Variants in KCNT2 observed in about 807,000 individuals in gnomAD.
KCNT2 encodes potassium channel subfamily T member 2.
In KCNT2, 67 loss-of-function variants were observed where a neutral mutation model predicts 153.8. The observed-to-expected ratio is 0.44, with a 90% confidence interval of 0.36 to 0.53. KCNT2 has a LOEUF of 0.53. KCNT2 is among the 20% of genes least tolerant of loss of function. The probability of loss-of-function intolerance (pLI) is 0.00; values close to 1 mark genes in which losing one functional copy is unlikely to be tolerated. For missense variants in KCNT2, 975 were observed against 1,354.8 expected, an observed-to-expected ratio of 0.72 and a Z score of 4.40; for synonymous variants, 500 against 458.8, an observed-to-expected ratio of 1.09 and a Z score of -1.15.
At chr1:196,462,853 T>C (rs1025655690) in intron 8 of KCNT2, among the ~76,000 whole-genome samples, 1 of 151,742 alleles carries the variant, frequency 6.6e-6, no homozygotes, top group South Asian at 2.1e-4. Flanking sequence ...AGTTGTTTTT[T>C]CTTTTTTGTG....
intron 3 of KCNT2, among the ~76,000 whole-genome samples, chr1:196,488,063 C>G (rs918009891): frequency 1.3e-5 from 2 of 152,064 alleles, no homozygotes; most frequent in South Asian, 2.1e-4. Flanking sequence ...CTGTACATCA[C>G]AGTTTACCAT....
rs550753415 is a variant in KCNT2, at chr1:196,352,889, G to A, written c.1404-10661C>T. Among the ~76,000 whole-genome samples, 6 of 152,246 alleles carry A rather than the reference G, an allele frequency of 3.9e-5. No homozygotes were observed. The East Asian group carries it at 9.7e-4, about 25-fold the overall frequency. On this transcript the variant is annotated intron_variant, in intron 14 of 27. Coordinates refer to ENST00000294725, the MANE Select transcript of KCNT2 (RefSeq NM_198503.5). ...CACACTGCTTTGAATGTGTCCCATA[G>A]ATTCTGGTATGTTGTGTCTTCTCAT...
intron 25 of KCNT2, among the ~76,000 whole-genome samples, chr1:196,272,163 T>C (rs1437500177): frequency 6.6e-6 from 1 of 151,912 alleles, no homozygotes; most frequent in African/African-American, 2.4e-5. Flanking sequence ...TGCTAATTGG[T>C]CAGGCAAAAT....
At chr1:196,314,087 A>T (rs983232454) in intron 21 of KCNT2, among the ~76,000 whole-genome samples, 1 of 151,576 alleles carries the variant, frequency 6.6e-6, no homozygotes, top group South Asian at 2.1e-4. Flanking sequence ...TTAAATTACT[A>T]ATTACAGCCT....
At chr1:196,476,554 G>A (rs1430291810) in intron 5 of KCNT2, among the ~76,000 whole-genome samples, 1 of 151,784 alleles carries the variant, frequency 6.6e-6, no homozygotes, top group African/African-American at 2.4e-5. Flanking sequence ...GGTAATTTAG[G>A]GATGTGTGGC....
intron 14 of KCNT2, among the ~76,000 whole-genome samples, chr1:196,370,740 C>T (rs1283883622): frequency 6.6e-6 from 1 of 152,002 alleles, no homozygotes; most frequent in African/African-American, 2.4e-5. Context: ...CTATGTTACA[C>T]AAAAACCTTT....
intron 14 of KCNT2, among the ~76,000 whole-genome samples, chr1:196,362,951 T>C (rs1047374154): frequency 6.6e-6 from 1 of 152,100 alleles, no homozygotes; most frequent in Non-Finnish European, 1.5e-5. Flanking sequence ...TTTCCCTTAA[T>C]AGTTATTAAC....
chr1:196,442,411 G>A (rs1675314348), intron 8 of KCNT2, among the ~76,000 whole-genome samples: 3 of 151,738 alleles, frequency 2.0e-5, no homozygotes, highest in Admixed American at 6.6e-5. Flanking sequence ...CAAAGACACT[G>A]GTATGTAAAA....
rs188734260 is a variant in KCNT2 at position 196,371,091 on chromosome 1, A to G, written c.1403+2049T>C. On this transcript the variant is annotated intron_variant, in intron 14 of 27. Transcript: ENST00000294725. ...TATTTACTGTATTACCAAATATACT[A>G]AAATGATTTCAGCTGAGCCTAATGG... Among the ~76,000 whole-genome samples, 240 of 152,042 alleles carry G rather than the reference A, an allele frequency of 1.6e-3. 1 individual carries two copies. The highest frequency in any genetic ancestry group is 5.2e-3 in the African/African-American group (214 of 41,486).
rs771165186 is a variant in KCNT2 at position 196,273,446 on chromosome 1, GAAAC to G, written c.2910+7410_2910+7413del. 103 of 1,510,676 alleles carry G rather than the reference GAAAC, an allele frequency of 6.8e-5. No individual in the cohort carries two copies. The South Asian group carries it at 1.0e-3, about 15-fold the overall frequency. 93.6% of individuals were successfully genotyped at this position (1,510,676 alleles called of 1,614,324 possible). A position where few individuals can be genotyped will look rare whatever the true frequency, so the allele number is the denominator to read the frequency against. On this transcript the variant is annotated intron_variant, in intron 25 of 27. Transcript: ENST00000294725. ...ATATATTACACCATTTGAGGAAAGG[GAAAC>G]AAACAGAAAATACTTACTTGTGATG...
At chr1:196,402,312 A>C (rs1671481728) in intron 12 of KCNT2, among the ~76,000 whole-genome samples, 1 of 151,624 alleles carries the variant, frequency 6.6e-6, no homozygotes, top group South Asian at 2.1e-4. Context: ...TAAAATATAT[A>C]ATCTGAATAA....
intron 26 of KCNT2, among the ~76,000 whole-genome samples, chr1:196,243,777 G>A (rs1238693639): frequency 6.6e-6 from 1 of 152,162 alleles, no homozygotes; most frequent in Non-Finnish European, 1.5e-5. Context: ...CATAAGGACT[G>A]AAATTCTTGG....
At chr1:196,560,143 A>T (rs1659192699) in intron 1 of KCNT2, among the ~76,000 whole-genome samples, 1 of 151,960 alleles carries the variant, frequency 6.6e-6, no homozygotes, top group African/African-American at 2.4e-5. Context: ...TAAACTTGGC[A>T]TAAAGCAATA....
intron 26 of KCNT2, among the ~76,000 whole-genome samples, chr1:196,236,493 A>C (rs528020160): frequency 1.3e-3 from 193 of 151,620 alleles, no homozygotes; most frequent in Non-Finnish European, 2.3e-3. Context: ...TAATATAATT[A>C]CATTATGTTT....
chr1:196,594,167 G>T (rs900161565), intron 1 of KCNT2, among the ~76,000 whole-genome samples: 2 of 152,064 alleles, frequency 1.3e-5, no homozygotes, highest in African/African-American at 4.8e-5. Context: ...GCAGTTCCCT[G>T]TGTAAATTTC....
chr1:196,390,390 G>A (rs1296265061), intron 13 of KCNT2, among the ~76,000 whole-genome samples: 1 of 151,492 alleles, frequency 6.6e-6, no homozygotes, highest in Non-Finnish European at 1.5e-5. Flanking sequence ...ATATGAAAAA[G>A]TGAGAGTAGC....
chr1:196,398,800 A>G (rs981085564), intron 12 of KCNT2, 129 bp from the exon 13 acceptor site: 7 of 518,636 alleles, frequency 1.3e-5, no homozygotes, highest in Non-Finnish European at 2.4e-5. Context: ...TACTCTGAGG[A>G]CTTGTTAAGG....
At chr1:196,537,300 T>G (rs1402883512) in intron 1 of KCNT2, among the ~76,000 whole-genome samples, 2 of 152,168 alleles carry the variant, frequency 1.3e-5, no homozygotes, top group Non-Finnish European at 1.5e-5. Flanking sequence ...AAGTCCATTG[T>G]CTCTCTCTCA....
intron 12 of KCNT2, among the ~76,000 whole-genome samples, chr1:196,418,195 G>T (rs1315724548): frequency 1.3e-5 from 2 of 151,858 alleles, no homozygotes; most frequent in East Asian, 1.9e-4. Context: ...CCCAGATTTG[G>T]CTGGGCACGG....
Sources: allele counts gnomAD v4.1 joint callset (sites outside exome capture counted in the v4.1 genomes callset), GRCh38; gene constraint gnomAD v4.1.1; transcripts MANE v1.5; gene names NCBI Gene and HGNC (gene_info 2026-07-23, HGNC 2026-07-21).